Variants in FOXN3 observed in about 807,000 individuals in gnomAD.
FOXN3 encodes the protein forkhead box protein N3.
Under a neutral mutation model 38.4 loss-of-function variants are expected in FOXN3, and 7 were observed. That is an observed-to-expected ratio of 0.18 (90% CI 0.10 to 0.34). The LOEUF is 0.34. Ranked by LOEUF, FOXN3 falls within the 10% of genes least tolerant of loss-of-function variation. FOXN3 has a pLI of 1.00. For synonymous variants in FOXN3, 230 were observed against 242.2 expected (o/e 0.95, Z 0.47); for missense variants, 456 against 613.4 (o/e 0.74, Z 2.71).
intron 1 of FOXN3, among the ~76,000 whole-genome samples, chr14:89,498,210 C>CTTTTTTTTTTTTTTTTTTT (rs547081117): frequency 1.2e-5 from 1 of 81,072 alleles, no homozygotes; most frequent in African/African-American, 5.8e-5. Flanking sequence ...CTCTCTCTCT[C>CTTTTTTTTTTTTTTTTTTT]TTTTTTTTTT....
intron 1 of FOXN3, among the ~76,000 whole-genome samples, chr14:89,509,301 T>G (rs1238657424): frequency 6.6e-6 from 1 of 150,750 alleles, no homozygotes; most frequent in Non-Finnish European, 1.5e-5. Flanking sequence ...TTACCACTAT[T>G]TGCAAATTAT....
intron 1 of FOXN3, among the ~76,000 whole-genome samples, chr14:89,506,341 C>T (rs1489531140): frequency 1.6e-5 from 2 of 125,920 alleles, no homozygotes; most frequent in Admixed American, 7.7e-5. Flanking sequence ...GTCAGCCCCC[C>T]GCCCGGCCAG....
chr14:89,202,118 G>A (rs937801279), intron 4 of FOXN3, among the ~76,000 whole-genome samples: 5 of 152,218 alleles, frequency 3.3e-5, no homozygotes, highest in Admixed American at 6.5e-5. Context: ...CACTAACTGC[G>A]TGCCCACCTC....
intron 2 of FOXN3, among the ~76,000 whole-genome samples, chr14:89,404,981 C>A (rs563879541): frequency 6.6e-5 from 10 of 152,256 alleles, no homozygotes; most frequent in Non-Finnish European, 1.0e-4. Context: ...TCTCTTCCTC[C>A]TAAAAGGTCC....
At chr14:89,556,422 C>T (rs1378552432) in intron 1 of FOXN3, among the ~76,000 whole-genome samples, 1 of 148,816 alleles carries the variant, frequency 6.7e-6, no homozygotes, top group Admixed American at 6.7e-5. Context: ...AAAAAAAAGA[C>T]AAGAATCAGA....
intron 2 of FOXN3, 51 bp downstream of exon 2, chr14:89,411,883 T>C (rs762884494): frequency 8.2e-7 from 1 of 1,220,232 alleles, no homozygotes; most frequent in South Asian, 2.7e-5. Flanking sequence ...AGAAAAATTT[T>C]AAATTAAAAA....
chr14:89,360,685 A>T, intron 2 of FOXN3, among the ~76,000 whole-genome samples: 2 of 149,718 alleles, frequency 1.3e-5, no homozygotes, highest in Non-Finnish European at 3.0e-5. Context: ...TTTCCACAAA[A>T]CTCATCCTCA....
rs116629654 is a variant in FOXN3, at chr14:89,237,844, T to C, written c.745+43106A>G. 2.8e-3 allele frequency among the ~76,000 whole-genome samples: 430 copies of C among 152,354 alleles called. 3 individuals carry two copies. Among genetic ancestry groups the C allele is most frequent in the African/African-American group, 0.01 (422 of 41,584 alleles). Reference sequence around the variant, plus strand: ...TGTATGATACTACATTGCATTATATTATATGACATCACATCTATCTATCTG... The same window carrying C: ...TGTATGATACTACATTGCATTATATCATATGACATCACATCTATCTATCTG... On this transcript the variant is annotated intron_variant, in intron 4 of 5. Coordinates refer to ENST00000557258, the MANE Select transcript of FOXN3 (RefSeq NM_005197.4).
chr14:89,287,899 A>C (rs1886683805), intron 3 of FOXN3, among the ~76,000 whole-genome samples: 2 of 152,078 alleles, frequency 1.3e-5, no homozygotes, highest in Admixed American at 1.3e-4. Flanking sequence ...ATTCTACAAA[A>C]AATAAACAAA....
At chr14:89,311,500 T>C (rs1478570183) in intron 3 of FOXN3, among the ~76,000 whole-genome samples, 2 of 119,548 alleles carry the variant, frequency 1.7e-5, no homozygotes, top group African/African-American at 6.2e-5. Flanking sequence ...AAAAGGTGTA[T>C]GGCAATCAAA....
At chr14:89,210,286 G>A (rs754783765) in intron 4 of FOXN3, among the ~76,000 whole-genome samples, 2 of 152,062 alleles carry the variant, frequency 1.3e-5, no homozygotes, top group Non-Finnish European at 2.9e-5. Context: ...TGTGTGTGGC[G>A]CCTGCCCCCG....
chr14:89,555,896 GGTGT>G (rs1283789751), intron 1 of FOXN3, among the ~76,000 whole-genome samples: 1 of 110,382 alleles, frequency 9.1e-6, no homozygotes, highest in African/African-American at 2.8e-5. Flanking sequence ...TGTATGTGGG[GGTGT>G]GTGTGTTGTG....
In FOXN3 at chr14:89,403,452, G is replaced by A. The variant is rs148999748; in HGVS notation, c.543+8482C>T. On this transcript the variant is annotated intron_variant, in intron 2 of 5. Transcript: ENST00000557258. ...GGCTCAAAGTGATCCGCCCCACCTC[G>A]GCTTCCCAAAGTGCTAGGATTACAG... Among the ~76,000 whole-genome samples the A allele has an allele frequency of 2.0e-3, 297 of 152,164 alleles. 1 individual carries two copies. The highest frequency in any genetic ancestry group is 6.8e-3 in the African/African-American group (282 of 41,512).
chr14:89,403,358 C>T (rs937912616), intron 2 of FOXN3, among the ~76,000 whole-genome samples: 9 of 152,150 alleles, frequency 5.9e-5, no homozygotes, highest in African/African-American at 2.2e-4. Context: ...CCACCATGCC[C>T]AATTAATCTC....
chr14:89,401,497 C>T, intron 2 of FOXN3: 1 of 442,064 alleles, frequency 2.3e-6, no homozygotes, highest in Non-Finnish European at 4.5e-6. Context: ...CAGTTCTCAA[C>T]TTTACAAGCC....
intron 2 of FOXN3, among the ~76,000 whole-genome samples, chr14:89,386,341 G>A (rs535214125): frequency 9.2e-5 from 14 of 152,342 alleles, no homozygotes; most frequent in Non-Finnish European, 1.3e-4. Context: ...CAGGAGCACT[G>A]GAGTCAGGGA....
intron 1 of FOXN3, among the ~76,000 whole-genome samples, chr14:89,551,572 A>C (rs1320757992): frequency 6.6e-6 from 1 of 152,076 alleles, no homozygotes; most frequent in African/African-American, 2.4e-5. Context: ...GAAGCCAGGA[A>C]AGGAGAGGGC....
intron 1 of FOXN3, among the ~76,000 whole-genome samples, chr14:89,497,316 ATCCAT>A (rs1239069208): frequency 1.3e-5 from 2 of 151,584 alleles, no homozygotes; most frequent in East Asian, 3.9e-4. Context: ...CATTTTATTT[ATCCAT>A]TCATCTGTCG....
chr14:89,162,669 C>T lies in FOXN3; in HGVS notation c.1152G>A (p.Lys384=), dbSNP rs375351484. The change falls in exon 6 of 6, where the codon AAG becomes AAA. Residue 384 remains lysine (K), a synonymous_variant. Coordinates refer to ENST00000557258, the MANE Select transcript of FOXN3 (RefSeq NM_005197.4). The surrounding 1 kb of genome is among the most constrained non-coding windows in gnomAD (Gnocchi z 7.2). The part of the protein sequence containing the change: ...DDRKHSQKEP[K]DSLGDSGYAS... ...CGTACCCGCTGTCCCCCAGAGAATCCTTGGGCTCCTTCTGGCTGTGCTTCC... is the reference window on the plus strand; with the variant it reads ...CGTACCCGCTGTCCCCCAGAGAATCTTTGGGCTCCTTCTGGCTGTGCTTCC... 5 of 1,614,060 alleles carry T rather than the reference C, an allele frequency of 3.1e-6. No homozygotes were observed. In the South Asian group the frequency reaches 5.5e-5, roughly 18 times the overall value.
Sources: gnomAD v4.1 joint callset for allele counts (sites outside exome capture counted in the v4.1 genomes callset) on GRCh38, gnomAD v4.1.1 for gene constraint, Gnocchi (gnomAD v3.1) non-coding constraint, MANE v1.5 for transcripts, NCBI Gene and HGNC (gene_info 2026-07-23, HGNC 2026-07-21) for gene names.